The following ST13 variants were observed in gnomAD, a reference collection of about 807,000 sequenced individuals.
ST13 encodes hsc70-interacting protein.
Under a neutral mutation model 56.7 loss-of-function variants are expected in ST13, and 23 were observed. The observed-to-expected ratio is 0.41, with a 90% CI of 0.29 to 0.57. The LOEUF (loss-of-function observed/expected upper bound fraction) is 0.57. Ranked by LOEUF, ST13 falls within the 20% of genes least tolerant of loss-of-function variation. ST13 has a pLI of 0.36. For missense variants in ST13, 369 were observed against 459.9 expected, an observed-to-expected ratio of 0.80 and a Z score of 1.81; for synonymous variants, 132 against 142.4, an observed-to-expected ratio of 0.93 and a Z score of 0.52.
chr22:40,856,401 C>A, intron 1 of ST13, 30 bp downstream of exon 1: 2 of 1,574,600 alleles, frequency 1.3e-6, no homozygotes, highest in Non-Finnish European at 1.7e-6. Context: ...GCTTCCCCCG[C>A]CCCCAACGGT....
intron 8 of ST13, 52 bp downstream of exon 8, chr22:40,832,517 A>T: frequency 7.5e-7 from 1 of 1,331,262 alleles, no homozygotes; most frequent in Non-Finnish European, 1.1e-6. Flanking sequence ...GCTAAGCACT[A>T]CAGCGATGGA....
chr22:40,844,760 A>G, intron 4 of ST13, 79 bp downstream of exon 4: 2 of 1,208,664 alleles, frequency 1.7e-6, no homozygotes, highest in Non-Finnish European at 2.4e-6. Context: ...TCCTGGAAGA[A>G]TCGTGTCATA....
intron 11 of ST13, 126 bp from the exon 12 acceptor site, chr22:40,826,792 G>A (rs2057730610): frequency 2.6e-6 from 3 of 1,142,772 alleles, no homozygotes; most frequent in Non-Finnish European, 3.7e-6. Context: ...GGGTTTAGAT[G>A]AGTGCTTGAA....
At chr22:40,826,932 TACTC>T (rs1460154114) in intron 11 of ST13, among the ~76,000 whole-genome samples, 160 bp downstream of exon 11, 6 of 152,228 alleles carry the variant, frequency 3.9e-5, no homozygotes, top group African/African-American at 7.2e-5. Context: ...AAATTTAAGT[TACTC>T]ACTCTGCATA....
intron 2 of ST13, among the ~76,000 whole-genome samples, chr22:40,849,787 T>C (rs1330916065): frequency 2.6e-5 from 4 of 152,096 alleles, no homozygotes; most frequent in Non-Finnish European, 5.9e-5. Flanking sequence ...GCTTACCTTT[T>C]CGCATTCTCC....
rs1300012513 is a variant in ST13, at chr22:40,848,310, A to G, written c.228T>C (p.Ser76=). The change falls in exon 3 of 12, where the codon AGT becomes AGC. Residue 76 remains serine, a synonymous_variant. Transcript: ENST00000216218. ...EEDLKADEPS[S]EESDLEIDKE... ...TCTCCTCACCTAGATCACTTTCCTCACTTGATGGTTCGTCTGCCTTTAAGT... is the reference window on the plus strand; with the variant it reads ...TCTCCTCACCTAGATCACTTTCCTCGCTTGATGGTTCGTCTGCCTTTAAGT... 12 of 1,613,262 alleles carry G rather than the reference A, an allele frequency of 7.4e-6. No individual in the cohort carries two copies. The highest frequency in any genetic ancestry group is 1.0e-5 in the Non-Finnish European group (12 of 1,179,344).
chr22:40,847,683 G>A (rs1400144871), intron 3 of ST13, among the ~76,000 whole-genome samples: 1 of 151,930 alleles, frequency 6.6e-6, no homozygotes, highest in African/African-American at 2.4e-5. Context: ...AACCTGAATT[G>A]AGGGGTGCCA....
At chr22:40,833,790 G>C (rs891536564) in intron 7 of ST13, among the ~76,000 whole-genome samples, 2 of 151,796 alleles carry the variant, frequency 1.3e-5, no homozygotes, top group Non-Finnish European at 2.9e-5. Flanking sequence ...AGAACCGCTT[G>C]AGCCCGGGGC....
intron 1 of ST13, among the ~76,000 whole-genome samples, chr22:40,853,382 C>T (rs1016707232): frequency 1.3e-5 from 2 of 152,056 alleles, no homozygotes; most frequent in Non-Finnish European, 2.9e-5. Context: ...AGGATTTACT[C>T]ATAAGCTAGA....
chr22:40,848,450 T>C lies in ST13; in HGVS notation c.169-81A>G, dbSNP rs565207570. 7 of 1,025,172 alleles carry C rather than the reference T, an allele frequency of 6.8e-6. No individual in the cohort carries two copies. In the South Asian group the frequency reaches 9.2e-5, roughly 13 times the overall value. The allele number at this position is 1,025,172 out of a possible 1,614,324, so 63.5% of individuals were successfully genotyped here. ...ATACTAATTTCTACAAATCTATGTA[T>C]AAACTGTCAAATATGGCCAGGCATG... is the stretch of plus-strand genomic sequence containing the variant. On this transcript the variant is annotated intron_variant, in intron 2 of 11. Transcript: ENST00000216218.
chr22:40,850,904 T>C, intron 1 of ST13, 24 bp from the exon 2 acceptor site: 1 of 1,567,972 alleles, frequency 6.4e-7, no homozygotes, highest in Non-Finnish European at 8.7e-7. Flanking sequence ...AGAAAAAAGA[T>C]ATTTGTTTAG....
intron 4 of ST13, among the ~76,000 whole-genome samples, chr22:40,843,170 A>G (rs1601468613): frequency 6.6e-6 from 1 of 152,200 alleles, no homozygotes; most frequent in Non-Finnish European, 1.5e-5. Flanking sequence ...AGTTATTAAA[A>G]TATTTTAAAA....
rs572138111 is a variant in ST13, at chr22:40,836,641, G to A, written c.383-754C>T. ...GAAAACAACAATATGCTTATTATTT[G>A]AATTCAAAGAAATGGTACAAAAATT... On this transcript the variant is annotated intron_variant, in intron 5 of 11. Transcript: ENST00000216218. Among the ~76,000 whole-genome samples the A allele has an allele frequency of 3.9e-5, 6 of 152,198 alleles. No individual in the cohort carries two copies. The South Asian group carries it at 1.2e-3, about 32-fold the overall frequency.
chr22:40,848,442 T>C (rs2057844269), intron 2 of ST13, 73 bp from the exon 3 acceptor site: 5 of 1,085,948 alleles, frequency 4.6e-6, no homozygotes, highest in East Asian at 2.5e-5. Flanking sequence ...TTTCTACAAA[T>C]CTATGTATAA....
intron 9 of ST13, among the ~76,000 whole-genome samples, chr22:40,830,044 T>C (rs1282464110): frequency 1.3e-5 from 2 of 152,238 alleles, no homozygotes; most frequent in Non-Finnish European, 2.9e-5. Context: ...TCTTTTCCGT[T>C]ATTCTCCCTA....
intron 7 of ST13, among the ~76,000 whole-genome samples, chr22:40,834,339 T>C (rs990099732): frequency 3.3e-5 from 5 of 152,154 alleles, no homozygotes; most frequent in African/African-American, 1.2e-4. Context: ...AAACTTTACT[T>C]AGAGTGTATA....
At chr22:40,841,888 T>C (rs1329553800) in intron 4 of ST13, among the ~76,000 whole-genome samples, 4 of 152,164 alleles carry the variant, frequency 2.6e-5, no homozygotes, top group Non-Finnish European at 5.9e-5. Context: ...CCGCCACTCC[T>C]GGCTGCAATT....
chr22:40,855,532 G>A (rs2057886369), intron 1 of ST13, among the ~76,000 whole-genome samples: 1 of 152,156 alleles, frequency 6.6e-6, no homozygotes, highest in Non-Finnish European at 1.5e-5. Context: ...TCCCTGTTTA[G>A]TGCAATTTGT....
At chr22:40,842,964 T>A (rs909216772) in intron 4 of ST13, among the ~76,000 whole-genome samples, 1 of 151,956 alleles carries the variant, frequency 6.6e-6, no homozygotes, top group Admixed American at 6.6e-5. Context: ...AAAATAAAAA[T>A]AAAAAACTAG....
Sources: gnomAD v4.1 joint callset for allele counts (sites outside exome capture counted in the v4.1 genomes callset) on GRCh38, gnomAD v4.1.1 for gene constraint, MANE v1.5 for transcripts, NCBI Gene and HGNC (gene_info 2026-07-23, HGNC 2026-07-21) for gene names.